The following DCDC2 variants were observed in gnomAD, a reference collection of about 807,000 sequenced individuals.
The protein encoded by DCDC2 is doublecortin domain-containing protein 2.
DCDC2 carries 40 observed loss-of-function variants against 50.2 expected under a neutral mutation model. The observed-to-expected ratio is 0.80, with a 90% CI of 0.62 to 1.04. DCDC2 has a LOEUF of 1.04. Ranked by LOEUF, DCDC2 falls within the 50% of genes least tolerant of loss-of-function variation. The pLI is 0.00. For missense variants in DCDC2, 570 were observed against 581.9 expected (o/e 0.98, Z 0.21); for synonymous variants, 234 against 210.6 (o/e 1.11, Z -0.96).
chr6:24,379,514 T>C, the DCDC2 span, among the ~76,000 whole-genome samples: 1 of 152,198 alleles, frequency 6.6e-6, no homozygotes, highest in South Asian at 2.1e-4. Flanking sequence ...CCAGTTAGAA[T>C]GGCAATCATT....
At chr6:24,337,559 C>T (rs771303316) in intron 2 of DCDC2, among the ~76,000 whole-genome samples, 9 of 151,936 alleles carry the variant, frequency 5.9e-5, no homozygotes, top group Admixed American at 2.6e-4. Context: ...TTTGGGAGGC[C>T]GAGGTGGGCG....
chr6:24,318,217 A>G (rs1759708093), intron 2 of DCDC2, among the ~76,000 whole-genome samples: 1 of 152,102 alleles, frequency 6.6e-6, no homozygotes, highest in Non-Finnish European at 1.5e-5. Flanking sequence ...TCATTGTAGT[A>G]TTATTTATAA....
intron 8 of DCDC2, among the ~76,000 whole-genome samples, chr6:24,185,865 C>A (rs1761192987): frequency 6.6e-6 from 1 of 152,116 alleles, no homozygotes; most frequent in Non-Finnish European, 1.5e-5. Flanking sequence ...TTCCTCCATC[C>A]CCTTCACTCC....
At chr6:24,238,138 A>AGGGAGGGAGGACAGG (rs1561902140) in intron 7 of DCDC2, among the ~76,000 whole-genome samples, 1 of 1,210 alleles carries the variant, frequency 8.3e-4, no homozygotes. Flanking sequence ...GGAAAGGAGG[A>AGGGAGGGAGGACAGG]AGGGATGCAG....
In DCDC2 at chr6:24,210,048, GTGTGTGTCTGTC is replaced by G. The variant is rs1412951243; in HGVS notation, c.923-4958_923-4947del. On this transcript the variant is annotated intron_variant, in intron 7 of 9. Transcript: ENST00000378454. ...TGTGTGTGTGTGTGTGTGTGTGTGTGTGTGTGTCTGTCTGTCTGTCTGTCTGCCTGCCTGCCT... is the reference window on the plus strand; with the variant it reads ...TGTGTGTGTGTGTGTGTGTGTGTGTGTGTCTGTCTGTCTGCCTGCCTGCCT... 8.7e-5 allele frequency among the ~76,000 whole-genome samples: 12 copies of G among 137,328 alleles called. No homozygotes were observed. The Middle Eastern group carries it at 0.01, about 120-fold the overall frequency. The allele number at this position is 137,328 out of a possible 152,430, so 90.1% of individuals were successfully genotyped here.
intron 7 of DCDC2, among the ~76,000 whole-genome samples, chr6:24,241,834 C>T (rs1282817453): frequency 6.6e-6 from 1 of 152,090 alleles, no homozygotes; most frequent in Non-Finnish European, 1.5e-5. Flanking sequence ...TATGAGTGTA[C>T]TTCATATTTT....
chr6:24,291,218 T>G, intron 4 of DCDC2, 140 bp from the exon 5 acceptor site: 1 of 830,344 alleles, frequency 1.2e-6, no homozygotes, highest in South Asian at 1.7e-5. Flanking sequence ...TTAGCTCATT[T>G]GTTACTATCC....
At chr6:24,281,735 T>C (rs978186270) in intron 6 of DCDC2, among the ~76,000 whole-genome samples, 3 of 152,112 alleles carry the variant, frequency 2.0e-5, no homozygotes, top group Admixed American at 6.6e-5. Context: ...AATACATAGA[T>C]AGTCATTGCT....
rs755795970 is a variant in DCDC2, at chr6:24,185,722, CACACAT to C, written c.1024-7096_1024-7091del. ...ACACACACACACACACACACACACA[CACACAT>C]ATACACACAGATAAAATCTATACCA... is the stretch of plus-strand genomic sequence containing the variant. On this transcript the variant is annotated intron_variant, in intron 8 of 9. Coordinates refer to ENST00000378454, the MANE Select transcript of DCDC2 (RefSeq NM_016356.5). Among the ~76,000 whole-genome samples the C allele has an allele frequency of 8.2e-3, 1,129 of 137,468 alleles. 14 individuals carry two copies. Among genetic ancestry groups the C allele is most frequent in the African/African-American group, 0.023 (809 of 34,666 alleles). The allele number at this position is 137,468 out of a possible 152,430, so 90.2% of individuals were successfully genotyped here.
intron 8 of DCDC2, among the ~76,000 whole-genome samples, chr6:24,181,274 T>C (rs947484282): frequency 3.9e-5 from 6 of 152,192 alleles, no homozygotes; most frequent in African/African-American, 1.4e-4. Flanking sequence ...AAGAAGTTTC[T>C]GGTGTTTAAT....
At chr6:24,192,969 C>G (rs1398277132) in intron 8 of DCDC2, among the ~76,000 whole-genome samples, 1 of 151,538 alleles carries the variant, frequency 6.6e-6, no homozygotes, top group African/African-American at 2.4e-5. Context: ...TTCCAGAACA[C>G]CAGGAACAAA....
In DCDC2 at chr6:24,264,115, T is replaced by C. The variant is rs145858317; in HGVS notation, c.922+13934A>G. Among the ~76,000 whole-genome samples, 36 of 152,250 alleles carry C rather than the reference T, an allele frequency of 2.4e-4. No individual in the cohort carries two copies. The East Asian group carries it at 6.9e-3, about 29-fold the overall frequency. ...TAAAGTGAAGAAAAAAAAACTTTTA[T>C]CCTAGAAAAGTATATCCAGCAAAAG... On this transcript the variant is annotated intron_variant, in intron 7 of 9. Transcript: ENST00000378454.
At chr6:24,275,720 A>G (rs1175577314) in intron 7 of DCDC2, among the ~76,000 whole-genome samples, 2 of 152,204 alleles carry the variant, frequency 1.3e-5, no homozygotes, top group African/African-American at 2.4e-5. Flanking sequence ...AGAAAAAAAT[A>G]AAAGAACAGG....
intron 7 of DCDC2, among the ~76,000 whole-genome samples, chr6:24,255,868 A>G (rs1021188714): frequency 6.6e-6 from 1 of 152,128 alleles, no homozygotes; most frequent in Non-Finnish European, 1.5e-5. Context: ...TCTACTGAAG[A>G]TGAAATATGC....
chr6:24,344,472 CT>C (rs1760220368), intron 2 of DCDC2, among the ~76,000 whole-genome samples: 1 of 152,180 alleles, frequency 6.6e-6, no homozygotes, highest in Admixed American at 6.5e-5. Flanking sequence ...TGCATATCTG[CT>C]AATTTCACAG....
At chr6:24,303,712 T>C (rs1041348128) in intron 2 of DCDC2, among the ~76,000 whole-genome samples, 1 of 152,220 alleles carries the variant, frequency 6.6e-6, no homozygotes, top group African/African-American at 2.4e-5. Context: ...TACTAAGTAA[T>C]TTATATGCAT....
intron 7 of DCDC2, among the ~76,000 whole-genome samples, chr6:24,220,887 A>AGTGAGCGAGCGAGC (rs1554146345): frequency 8.7e-5 from 10 of 114,848 alleles, no homozygotes; most frequent in South Asian, 2.9e-4. Flanking sequence ...CGAGAGCGAG[A>AGTGAGCGAGCGAGC]GAGTGAGCGA....
intron 2 of DCDC2, among the ~76,000 whole-genome samples, chr6:24,317,528 T>C (rs1012144842): frequency 6.6e-6 from 1 of 151,926 alleles, no homozygotes; most frequent in Non-Finnish European, 1.5e-5. Flanking sequence ...AAGTACAAAA[T>C]GAAATCATAC....
At chr6:24,181,182 A>C (rs868748785) in intron 8 of DCDC2, among the ~76,000 whole-genome samples, 1 of 152,250 alleles carries the variant, frequency 6.6e-6, no homozygotes, top group Non-Finnish European at 1.5e-5. Context: ...TGATGGACAG[A>C]AACTCAGGTC....
Sources: allele counts gnomAD v4.1 joint callset (sites outside exome capture counted in the v4.1 genomes callset), GRCh38; gene constraint gnomAD v4.1.1; transcripts MANE v1.5; gene names NCBI Gene and HGNC (gene_info 2026-07-23, HGNC 2026-07-21).